EBF2: variants seen among roughly 807,000 people sequenced by gnomAD.
EBF2 encodes the protein transcription factor COE2.
EBF2 carries 21 observed loss-of-function variants against 72.8 expected under a neutral mutation model. The observed-to-expected ratio is 0.29, with a 90% CI of 0.20 to 0.42. EBF2 has a LOEUF of 0.42. Among genes scored for constraint, EBF2 ranks in the 10% least tolerant of loss-of-function variants. The probability of loss-of-function intolerance (pLI) is 1.00; values close to 1 mark genes in which losing one functional copy is unlikely to be tolerated. For synonymous variants in EBF2, 299 were observed against 274.2 expected (o/e 1.09, Z -0.89); for missense variants, 637 against 731.2 (o/e 0.87, Z 1.49).
chr8:25,881,972 C>A (rs1290724711), intron 10 of EBF2, among the ~76,000 whole-genome samples: 1 of 152,170 alleles, frequency 6.6e-6, no homozygotes, highest in Non-Finnish European at 1.5e-5. Context: ...TACCTCCTCT[C>A]GATAAAACCT....
At chr8:25,923,348 C>T (rs1032677686) in intron 6 of EBF2, among the ~76,000 whole-genome samples, 1 of 152,210 alleles carries the variant, frequency 6.6e-6, no homozygotes, top group African/African-American at 2.4e-5. Context: ...CAAATTGAAG[C>T]TACAATTCCA....
chr8:26,001,707 C>A (rs1442693090), intron 6 of EBF2, among the ~76,000 whole-genome samples: 1 of 152,084 alleles, frequency 6.6e-6, no homozygotes, highest in Admixed American at 6.5e-5. Context: ...CGCCACCATG[C>A]CCAGCTAATT....
intron 10 of EBF2, among the ~76,000 whole-genome samples, chr8:25,872,220 G>A (rs1005399339): frequency 2.6e-5 from 4 of 152,142 alleles, no homozygotes; most frequent in African/African-American, 9.7e-5. Flanking sequence ...GGTCATTTAT[G>A]CTCTTGACCA....
intron 6 of EBF2, among the ~76,000 whole-genome samples, chr8:25,942,079 T>C (rs1272120934): frequency 6.6e-6 from 1 of 152,102 alleles, no homozygotes; most frequent in African/African-American, 2.4e-5. Context: ...GGGGGAAAAT[T>C]GTAAGAGGAT....
intron 1 of EBF2, among the ~76,000 whole-genome samples, chr8:26,042,657 G>A (rs1359921338): frequency 6.6e-6 from 1 of 152,240 alleles, no homozygotes; most frequent in Non-Finnish European, 1.5e-5. Flanking sequence ...GGTGTATCAG[G>A]ATGCAGAGCT....
chr8:25,867,115 C>T (rs1315456720), intron 10 of EBF2, among the ~76,000 whole-genome samples: 3 of 152,158 alleles, frequency 2.0e-5, no homozygotes, highest in East Asian at 3.8e-4. Context: ...AGAACAGTGC[C>T]TGGCACTTGG....
intron 6 of EBF2, among the ~76,000 whole-genome samples, chr8:26,005,561 T>TATATAGAGAGAGAGAGAGAGAG (rs375386709): frequency 4.7e-5 from 3 of 63,874 alleles, no homozygotes; most frequent in African/African-American, 7.3e-5. Context: ...TATATATATA[T>TATATAGAGAGAGAGAGAGAGAG]AGAGAGAGAG....
intron 10 of EBF2, among the ~76,000 whole-genome samples, chr8:25,869,375 T>TC (rs1802391453): frequency 6.6e-6 from 1 of 152,106 alleles, no homozygotes; most frequent in Non-Finnish European, 1.5e-5. Context: ...ATCACTTCCT[T>TC]GCCCTGCTGC....
At chr8:26,019,902 G>A (rs973604477) in intron 6 of EBF2, among the ~76,000 whole-genome samples, 7 of 152,180 alleles carry the variant, frequency 4.6e-5, no homozygotes, top group African/African-American at 1.7e-4. Context: ...TTTCCCAGGG[G>A]TTGAGAAGTG....
chr8:25,907,154 C>T (rs961826339), intron 7 of EBF2, among the ~76,000 whole-genome samples: 6 of 151,938 alleles, frequency 3.9e-5, no homozygotes, highest in African/African-American at 1.5e-4. Context: ...TGTGGTAGCT[C>T]ACACCTGTAA....
chr8:25,922,075 G>A (rs912131760), intron 6 of EBF2, among the ~76,000 whole-genome samples: 1 of 152,112 alleles, frequency 6.6e-6, no homozygotes, highest in East Asian at 1.9e-4. Context: ...CTCACTCCAG[G>A]TTCAAAGAAA....
At chr8:25,953,803 C>A (rs1803900317) in intron 6 of EBF2, among the ~76,000 whole-genome samples, 2 of 152,222 alleles carry the variant, frequency 1.3e-5, no homozygotes, top group South Asian at 2.1e-4. Flanking sequence ...CTAGTTAGGG[C>A]AACATCACAC....
intron 6 of EBF2, among the ~76,000 whole-genome samples, chr8:26,025,704 A>G (rs1290327727): frequency 2.0e-5 from 3 of 152,204 alleles, no homozygotes; most frequent in Admixed American, 1.3e-4. Flanking sequence ...TCCCAGCTAC[A>G]GAGTCCTTTA....
rs1467349351 is a variant in EBF2 at position 26,042,118 on chromosome 8, C to A, written c.265G>T (p.Val89Leu). The change falls in exon 2 of 16, where the codon GTG (valine) becomes TTG (leucine). Residue 89 changes from valine (V) to leucine (L), a missense_variant. By Grantham distance (32) the Val-to-Leu change is conservative. Around this residue, in one of 3 missense-constraint regions of EBF2, gnomAD observed 174 missense variants for 161.9 expected, o/e 1.07. Transcript: ENST00000520164. ...QPVEIERTAF[V>L]DFVENDKEQG... ...ACTTTGTCATTCTCCACAAAGTCCACGAAGGCCGTCCGCTCGATCTCCACC... is the reference window on the plus strand; with the variant it reads ...ACTTTGTCATTCTCCACAAAGTCCAAGAAGGCCGTCCGCTCGATCTCCACC... 2 of 1,613,564 alleles carry A rather than the reference C, an allele frequency of 1.2e-6. No individual in the cohort carries two copies. Among genetic ancestry groups the A allele is most frequent in the Non-Finnish European group, 1.7e-6 (2 of 1,179,912 alleles).
chr8:25,943,695 A>C (rs982058355), intron 6 of EBF2, among the ~76,000 whole-genome samples: 6 of 152,138 alleles, frequency 3.9e-5, no homozygotes, highest in Non-Finnish European at 7.4e-5. Context: ...CTCGTCCCTT[A>C]AAACGGCAAC....
intron 14 of EBF2, among the ~76,000 whole-genome samples, chr8:25,852,189 T>C (rs916362631): frequency 2.0e-5 from 3 of 152,160 alleles, no homozygotes; most frequent in African/African-American, 4.8e-5. Flanking sequence ...TGTAAATGAA[T>C]AAAAACACTG....
chr8:25,921,044 T>A (rs964519228), intron 6 of EBF2, among the ~76,000 whole-genome samples: 20 of 150,826 alleles, frequency 1.3e-4, no homozygotes, highest in African/African-American at 4.4e-4. Context: ...GCCATGAAGA[T>A]CCACATTTAC....
At chr8:25,865,878 A>G (rs1399235717) in intron 10 of EBF2, among the ~76,000 whole-genome samples, 1 of 151,872 alleles carries the variant, frequency 6.6e-6, no homozygotes, top group African/African-American at 2.4e-5. Context: ...ACAAAAAATT[A>G]GCCGGGCGTG....
intron 7 of EBF2, among the ~76,000 whole-genome samples, chr8:25,907,312 C>T (rs572769650): frequency 7.8e-4 from 116 of 147,854 alleles, no homozygotes; most frequent in Non-Finnish European, 1.5e-3. Context: ...CCTAGCTACT[C>T]AGGAGGGTGA....
Sources: allele counts gnomAD v4.1 joint callset (sites outside exome capture counted in the v4.1 genomes callset), GRCh38; gene constraint gnomAD v4.1.1; regional missense constraint gnomAD v4.1.1; transcripts MANE v1.5; gene names NCBI Gene and HGNC (gene_info 2026-07-23, HGNC 2026-07-21).